Variants in DNAH8 observed in about 807,000 individuals in gnomAD.
The protein encoded by DNAH8 is dynein axonemal heavy chain 8.
A neutral mutation model predicts 562.1 loss-of-function variants in DNAH8; 382 were observed. The observed-to-expected ratio is 0.68, with a 90% CI of 0.63 to 0.74. The LOEUF (loss-of-function observed/expected upper bound fraction) is 0.74. DNAH8 is among the 30% of genes least tolerant of loss of function. The pLI is 0.00. For synonymous variants in DNAH8, 1,881 were observed against 1,919.4 expected, an observed-to-expected ratio of 0.98 and a Z score of 0.52; for missense variants, 5,203 against 5,620.4, an observed-to-expected ratio of 0.93 and a Z score of 2.37.
chr6:38,959,307 G>T (rs1468803703), intron 82 of DNAH8, among the ~76,000 whole-genome samples: 1 of 152,112 alleles, frequency 6.6e-6, no homozygotes, highest in African/African-American at 2.4e-5. Flanking sequence ...GAAATAAAAA[G>T]CATCCAAGTT....
chr6:38,791,655 A>T lies in DNAH8; in HGVS notation c.2882A>T (p.Asp961Val), dbSNP rs1300182990. Residue 961 changes from aspartate to valine, a missense_variant, in exon 21 of 93, where the codon GAT (aspartate) becomes GTT (valine). By Grantham distance (152) the Asp-to-Val change is radical. Transcript: ENST00000327475. ...GAAAGTGGTGCTACCAAAGTAGAAG[A>T]TATGTTGACCCTCAATGAGGTATGC... ...LPESGATKVE[D>V]MLTLNETYTK... 1 of 1,613,748 alleles carries T rather than the reference A, an allele frequency of 6.2e-7. No homozygotes were observed. The highest frequency in any genetic ancestry group is 8.5e-7 in the Non-Finnish European group (1 of 1,179,922).
intron 11 of DNAH8, among the ~76,000 whole-genome samples, chr6:38,769,025 C>T (rs1425239659): frequency 5.3e-5 from 8 of 152,188 alleles, no homozygotes; most frequent in Non-Finnish European, 1.2e-4. Flanking sequence ...GATTACTAGC[C>T]ATTTACTGAC....
At chr6:38,990,286 C>G in intron 88 of DNAH8, 114 bp downstream of exon 88, 1 of 759,054 alleles carries the variant, frequency 1.3e-6, no homozygotes, top group Admixed American at 2.6e-5. Context: ...TTTTATTTTA[C>G]TGTGAAAAAT....
In DNAH8 at chr6:38,723,004, T is replaced by A. The variant is rs758083490; in HGVS notation, c.195T>A (p.Ile65=). 1.2e-6 allele frequency: 2 copies of A among 1,612,838 alleles called. No homozygotes were observed. Among genetic ancestry groups the A allele is most frequent in the Non-Finnish European group, 1.7e-6 (2 of 1,179,866 alleles). ...VSSVVDYRDL[I]PSEEGIVLPD... ...CTGTGGTGGATTATCGGGATCTCAT[T>A]CCTTCTGAAGAAGGGATAGTTCTTC... Residue 65 remains isoleucine, a synonymous_variant, in exon 2 of 93, where the codon ATT becomes ATA. Coordinates refer to ENST00000327475, the MANE Select transcript of DNAH8 (RefSeq NM_001206927.2).
At chr6:38,989,939 CCT>C (rs1174484505) in intron 87 of DNAH8, 71 bp from the exon 88 acceptor site, 5 of 798,206 alleles carry the variant, frequency 6.3e-6, no homozygotes, top group Non-Finnish European at 1.0e-5. Flanking sequence ...TAAGGTGGCC[CCT>C]CTCCTTTCTT....
intron 44 of DNAH8, among the ~76,000 whole-genome samples, chr6:38,863,075 A>G (rs552154840): frequency 4.6e-5 from 7 of 152,298 alleles, no homozygotes; most frequent in African/African-American, 1.7e-4. Flanking sequence ...CTCTAGATTC[A>G]TTACGTACAA....
chr6:38,851,549 C>T (rs1432138782), intron 38 of DNAH8, 23 bp from the exon 39 acceptor site: 3 of 1,478,698 alleles, frequency 2.0e-6, no homozygotes, highest in Non-Finnish European at 1.9e-6. Context: ...CACTTGGTAA[C>T]ATACTGTCGA....
At chr6:38,990,824 A>T (rs1444428016) in intron 88 of DNAH8, among the ~76,000 whole-genome samples, 1 of 152,140 alleles carries the variant, frequency 6.6e-6, no homozygotes, top group African/African-American at 2.4e-5. Context: ...ATGAGGTGTC[A>T]CCCCTTCTCT....
intron 41 of DNAH8, among the ~76,000 whole-genome samples, chr6:38,856,617 G>A (rs1297439175): frequency 6.6e-6 from 1 of 152,104 alleles, no homozygotes; most frequent in East Asian, 1.9e-4. Context: ...GCTCACTTCA[G>A]CCAGGTGCTT....
In DNAH8 at chr6:38,723,019, G is replaced by T. The variant is rs1462801040; in HGVS notation, c.210G>T (p.Gly70=). Residue 70 remains glycine, a synonymous_variant, in exon 2 of 93, where the codon GGG becomes GGT. Transcript: ENST00000327475. ...GGGATCTCATTCCTTCTGAAGAAGGGATAGTTCTTCCAGATGATCATGAAG... is the reference window on the plus strand; with the variant it reads ...GGGATCTCATTCCTTCTGAAGAAGGTATAGTTCTTCCAGATGATCATGAAG... ...DYRDLIPSEE[G]IVLPDDHEAD... The T allele has an allele frequency of 6.2e-7, 1 of 1,612,866 alleles. No individual in the cohort carries two copies. The highest frequency in any genetic ancestry group is 2.2e-5 in the East Asian group (1 of 44,878).
chr6:38,952,389 T>TGACAGGACTGAGCCATCCTGTA (rs1761975202), intron 82 of DNAH8, among the ~76,000 whole-genome samples: 1 of 152,202 alleles, frequency 6.6e-6, no homozygotes, highest in African/African-American at 2.4e-5. Context: ...AAGGACTGTT[T>TGACAGGACTGAGCCATCCTGTA]ATCCCTTGCT....
At chr6:39,010,820 C>CACACGTATGTAT (rs1554163118) in intron 89 of DNAH8, among the ~76,000 whole-genome samples, 3 of 132,760 alleles carry the variant, frequency 2.3e-5, no homozygotes, top group African/African-American at 8.6e-5. Flanking sequence ...CACACACACA[C>CACACGTATGTAT]GTATGTATGT....
chr6:38,959,878 A>G (rs1762497947), intron 82 of DNAH8, among the ~76,000 whole-genome samples: 1 of 152,044 alleles, frequency 6.6e-6, no homozygotes, highest in South Asian at 2.1e-4. Context: ...ACTACAAAGC[A>G]ATAGTAACCA....
At chr6:38,719,027 A>G (rs894930632) in intron 1 of DNAH8, among the ~76,000 whole-genome samples, 11 of 152,320 alleles carry the variant, frequency 7.2e-5, no homozygotes, top group African/African-American at 2.4e-4. Context: ...TATTTTGTCC[A>G]CGTTTCTCTC....
intron 52 of DNAH8, among the ~76,000 whole-genome samples, chr6:38,874,340 CTTCTTTTCTTTTCCT>C (rs1561798857): frequency 7.9e-6 from 1 of 126,360 alleles, no homozygotes. Flanking sequence ...CTCTCTCTCT[CTTCTTTTCTTTTCCT>C]TTCTTTTCTT....
chr6:38,857,683 G>A lies in DNAH8; in HGVS notation c.5899G>A (p.Val1967Met), dbSNP rs1381773632. 6.2e-7 allele frequency: 1 copy of A among 1,613,896 alleles called. No individual in the cohort carries two copies. Among genetic ancestry groups the A allele is most frequent in the Non-Finnish European group, 8.5e-7 (1 of 1,179,872 alleles). The change falls in exon 42 of 93, where the codon GTG (valine) becomes ATG (methionine). Residue 1967 changes from valine (V) to methionine (M), a missense_variant. Val to Met is a conservative substitution (Grantham distance 21). Coordinates refer to ENST00000327475, the MANE Select transcript of DNAH8 (RefSeq NM_001206927.2). ...TTHDLSKFDR[V>M]KFETLITIHV... ...ACATGATCTAAGCAAGTTTGATAGA[G>A]TGAAGTTCGAGACTCTAATTACCAT...
Position 38,791,555 on chromosome 6 carries a change from A to G in DNAH8, c.2782A>G (p.Ile928Val). ...TTTCTTACATTTTTCTTCCTTGTAGATCAGTGACTTGTGTGAAATGCATAT... is the reference window on the plus strand; with the variant it reads ...TTTCTTACATTTTTCTTCCTTGTAGGTCAGTGACTTGTGTGAAATGCATAT... ...LDMFNQLLKK[I>V]SDLCEMHIDT... Residue 928 changes from isoleucine to valine, a missense_variant and splice_region_variant, in exon 21 of 93, where the codon ATC (isoleucine) becomes GTC (valine). This residue lies in a region of DNAH8 where 2,176 missense variants were observed against 2,365.1 expected (regional missense o/e 0.92). Transcript: ENST00000327475. The G allele has an allele frequency of 6.2e-7, 1 of 1,606,918 alleles. No individual in the cohort carries two copies. The highest frequency in any genetic ancestry group is 1.3e-5 in the African/African-American group (1 of 74,636).
chr6:38,824,949 T>C (rs751292172), intron 28 of DNAH8, among the ~76,000 whole-genome samples: 3 of 152,104 alleles, frequency 2.0e-5, no homozygotes, highest in Non-Finnish European at 4.4e-5. Context: ...TTCTGTAGCG[T>C]TTTGGAAACT....
chr6:38,925,924 G>T, intron 73 of DNAH8, 131 bp from the exon 74 acceptor site: 1 of 835,686 alleles, frequency 1.2e-6, no homozygotes. Context: ...TTTTTTCGAA[G>T]TACAAGTTGC....
Sources: gnomAD v4.1 joint callset for allele counts (sites outside exome capture counted in the v4.1 genomes callset) on GRCh38, gnomAD v4.1.1 for gene constraint, gnomAD v4.1.1 regional missense constraint, MANE v1.5 for transcripts, NCBI Gene and HGNC (gene_info 2026-07-23, HGNC 2026-07-21) for gene names.